CLSTN2: variants seen among roughly 807,000 people sequenced by gnomAD.
The protein encoded by CLSTN2 is calsyntenin-2.
In CLSTN2, 48 loss-of-function variants were observed where a neutral mutation model predicts 101.2. The ratio of observed to expected loss-of-function variants is 0.47; its 90% confidence interval spans 0.38 to 0.60. CLSTN2 has a LOEUF of 0.60. CLSTN2 is among the 20% of genes least tolerant of loss of function. The probability of loss-of-function intolerance (pLI) is 0.00; values close to 1 mark genes in which losing one functional copy is unlikely to be tolerated. For missense variants in CLSTN2, 1,160 were observed against 1,238.2 expected, an observed-to-expected ratio of 0.94 and a Z score of 0.95; for synonymous variants, 481 against 463.6, an observed-to-expected ratio of 1.04 and a Z score of -0.48.
At chr3:140,310,454 G>A (rs941414503) in intron 2 of CLSTN2, among the ~76,000 whole-genome samples, 6 of 152,066 alleles carry the variant, frequency 3.9e-5, no homozygotes, top group South Asian at 4.1e-4. Context: ...GGCACCACCC[G>A]CTTCTCACAG....
chr3:140,241,932 G>A (rs1010808398), intron 2 of CLSTN2, among the ~76,000 whole-genome samples: 3 of 149,090 alleles, frequency 2.0e-5, no homozygotes, highest in Admixed American at 1.3e-4. Flanking sequence ...ATTTGACACA[G>A]AGTGTCACTT....
At chr3:140,381,925 G>T (rs1230459243) in intron 2 of CLSTN2, among the ~76,000 whole-genome samples, 1 of 152,166 alleles carries the variant, frequency 6.6e-6, no homozygotes, top group Non-Finnish European at 1.5e-5. Context: ...GCATTGAATT[G>T]AATAACATGA....
chr3:140,329,363 G>A (rs990665719), intron 2 of CLSTN2, among the ~76,000 whole-genome samples: 1 of 152,194 alleles, frequency 6.6e-6, no homozygotes, highest in Non-Finnish European at 1.5e-5. Flanking sequence ...TCCATCCTGG[G>A]TGACAGATTG....
intron 2 of CLSTN2, among the ~76,000 whole-genome samples, chr3:140,358,813 TGAC>T (rs2107948107): frequency 6.6e-6 from 1 of 152,142 alleles, no homozygotes; most frequent in Admixed American, 6.5e-5. Context: ...ATGCCCCAGA[TGAC>T]GACACCTGGG....
intron 2 of CLSTN2, among the ~76,000 whole-genome samples, chr3:140,342,002 C>G (rs2087498737): frequency 6.6e-6 from 1 of 152,102 alleles, no homozygotes; most frequent in Non-Finnish European, 1.5e-5. Context: ...GGTAGACAAC[C>G]TGCTTCACTT....
Position 140,572,017 on chromosome 3 carries a change from G to T in CLSTN2, c.*5764G>T, listed in dbSNP as rs1226327223. 1 of 152,358 alleles carries T rather than the reference G, an allele frequency of 6.6e-6. No homozygotes were observed. The highest frequency in any genetic ancestry group is 1.5e-5 in the Non-Finnish European group (1 of 68,122). The allele number at this position is 152,358 out of a possible 1,614,324, so 9.4% of individuals were successfully genotyped here. On this transcript the variant is annotated 3_prime_UTR_variant, in exon 17 of 17. Transcript: ENST00000458420. ...GGTCAGGCCCTGTGCCAGCAACAGG[G>T]GAAGGGAGGATGAACAAGGCATGTT...
Position 140,025,663 on chromosome 3 carries a change from C to A in CLSTN2, c.109+90180C>A, listed in dbSNP as rs534616758. On this transcript the variant is annotated intron_variant, in intron 1 of 16. Transcript: ENST00000458420. ...GGAGAGAGAGAGATGACAGCTGCAG[C>A]CAAAGAGTTGTCCAAAGAAGATTTA... Among the ~76,000 whole-genome samples the A allele has an allele frequency of 4.6e-5, 7 of 152,184 alleles. No homozygotes were observed. In the South Asian group the frequency reaches 1.2e-3, roughly 27 times the overall value.
chr3:140,046,244 C>A (rs958892057), intron 1 of CLSTN2, among the ~76,000 whole-genome samples: 1 of 152,106 alleles, frequency 6.6e-6, no homozygotes, highest in Non-Finnish European at 1.5e-5. Context: ...TTCTTGTTGA[C>A]TTGATCCCTT....
At chr3:139,979,762 C>A (rs1305762856) in intron 1 of CLSTN2, among the ~76,000 whole-genome samples, 4 of 152,056 alleles carry the variant, frequency 2.6e-5, no homozygotes, top group African/African-American at 9.7e-5. Context: ...CTTTACTCTG[C>A]TTTCTGCTGT....
chr3:140,244,098 G>T (rs2086494283), intron 2 of CLSTN2, among the ~76,000 whole-genome samples: 1 of 152,208 alleles, frequency 6.6e-6, no homozygotes, highest in Admixed American at 6.5e-5. Flanking sequence ...AAGGGAAGAA[G>T]CGCTTGCATC....
At chr3:139,940,882 C>T (rs1935114898) in intron 1 of CLSTN2, among the ~76,000 whole-genome samples, 1 of 152,042 alleles carries the variant, frequency 6.6e-6, no homozygotes, top group African/African-American at 2.4e-5. Context: ...AAGCCTGTCT[C>T]CATGTGCTAG....
At chr3:140,166,169 A>G (rs1006333167) in intron 1 of CLSTN2, among the ~76,000 whole-genome samples, 3 of 152,162 alleles carry the variant, frequency 2.0e-5, no homozygotes, top group Non-Finnish European at 2.9e-5. Flanking sequence ...TTTTGTCTCA[A>G]GATTTCAAGT....
At chr3:139,974,228 C>T (rs946383599) in intron 1 of CLSTN2, among the ~76,000 whole-genome samples, 1 of 152,170 alleles carries the variant, frequency 6.6e-6, no homozygotes, top group Non-Finnish European at 1.5e-5. Flanking sequence ...GGTGAAGACG[C>T]AGGCTTTGGG....
At position 140,556,498 on chromosome 3, in the gene CLSTN2, A is replaced by C; in HGVS notation, c.1675-15A>C. ...CTGACCATTCTCTTCCATGATGCTC[A>C]CTTTTGTCTTCCAGTATCACTTCAA... is the stretch of plus-strand genomic sequence containing the variant. On this transcript the variant is annotated splice_polypyrimidine_tract_variant and intron_variant, in intron 10 of 16. Coordinates refer to ENST00000458420, the MANE Select transcript of CLSTN2 (RefSeq NM_022131.3). The C allele has an allele frequency of 6.2e-7, 1 of 1,613,730 alleles. No individual in the cohort carries two copies. Among genetic ancestry groups the C allele is most frequent in the Non-Finnish European group, 8.5e-7 (1 of 1,179,744 alleles).
At position 140,154,641 on chromosome 3, in the gene CLSTN2, C is replaced by CTTTTTT. The variant is rs35699283; in HGVS notation, c.110-21294_110-21289dup. ...AGAGAGAGAGAGGGGAAGTATCACC[C>CTTTTTT]TTTTTTTTTTTTTTTTTTTTTGAGA... On this transcript the variant is annotated intron_variant, in intron 1 of 16. Coordinates refer to ENST00000458420, the MANE Select transcript of CLSTN2 (RefSeq NM_022131.3). Among the ~76,000 whole-genome samples the CTTTTTT allele has an allele frequency of 8.6e-5, 8 of 92,870 alleles. 1 individual carries two copies. The highest frequency in any genetic ancestry group is 8.8e-4 in the South Asian group (2 of 2,260). The allele number at this position is 92,870 out of a possible 152,430, so 60.9% of individuals were successfully genotyped here. A position where few individuals can be genotyped will look rare whatever the true frequency, so the allele number is the denominator to read the frequency against.
chr3:140,248,634 A>G (rs539697874), intron 2 of CLSTN2, among the ~76,000 whole-genome samples: 3 of 152,318 alleles, frequency 2.0e-5, no homozygotes, highest in Admixed American at 2.0e-4. Flanking sequence ...TTAGTTAATA[A>G]CAGATCCACA....
intron 1 of CLSTN2, among the ~76,000 whole-genome samples, chr3:139,977,306 A>G (rs189903261): frequency 6.6e-5 from 10 of 152,114 alleles, no homozygotes; most frequent in African/African-American, 1.9e-4. Flanking sequence ...AATGGACAGA[A>G]GGAGGGAAGG....
intron 1 of CLSTN2, among the ~76,000 whole-genome samples, chr3:139,957,327 C>A (rs1278895989): frequency 5.3e-5 from 8 of 152,138 alleles, no homozygotes; most frequent in Non-Finnish European, 1.2e-4. Flanking sequence ...CTTCTCCCTA[C>A]CCACAGCCTA....
intron 1 of CLSTN2, among the ~76,000 whole-genome samples, chr3:140,172,025 A>C (rs2010245370): frequency 6.7e-6 from 1 of 148,984 alleles, no homozygotes; most frequent in African/African-American, 2.5e-5. Flanking sequence ...TTGTGGAGGT[A>C]GTTTATTCAT....
Sources: gnomAD v4.1 joint callset for allele counts (sites outside exome capture counted in the v4.1 genomes callset) on GRCh38, gnomAD v4.1.1 for gene constraint, MANE v1.5 for transcripts, NCBI Gene and HGNC (gene_info 2026-07-23, HGNC 2026-07-21) for gene names.